Variants in COL25A1 observed in about 807,000 individuals in gnomAD.
COL25A1 encodes collagen alpha-1(XXV) chain.
COL25A1 carries 103 observed loss-of-function variants against 128.4 expected under a neutral mutation model. The ratio of observed to expected loss-of-function variants is 0.80; its 90% confidence interval spans 0.68 to 0.94. The LOEUF is 0.94. COL25A1 is among the 40% of genes least tolerant of loss of function. The pLI is 0.00. For synonymous variants in COL25A1, 279 were observed against 277.2 expected (o/e 1.01, Z -0.06); for missense variants, 745 against 840.0 (o/e 0.89, Z 1.40).
intron 13 of COL25A1, among the ~76,000 whole-genome samples, chr4:108,913,739 G>C (rs572070696): frequency 2.6e-5 from 4 of 152,242 alleles, no homozygotes; most frequent in African/African-American, 9.6e-5. Flanking sequence ...CAACATCTAA[G>C]TATATAAACA....
chr4:109,253,412 C>T (rs752615738), intron 3 of COL25A1, among the ~76,000 whole-genome samples: 3 of 152,090 alleles, frequency 2.0e-5, no homozygotes, highest in Non-Finnish European at 4.4e-5. Flanking sequence ...AAGACCTATG[C>T]CCTAGCTTGA....
In COL25A1 at chr4:109,147,355, A is replaced by C. The variant is rs546233935; in HGVS notation, c.368-97176T>G. Among the ~76,000 whole-genome samples the C allele has an allele frequency of 2.0e-5, 3 of 152,328 alleles. No individual in the cohort carries two copies. In the East Asian group the frequency reaches 5.8e-4, roughly 29 times the overall value. Reference sequence around the variant, plus strand: ...TAAAAAAGGAGGCTTCACTTTGCTCACCATGAGCCTGTGCACAACCCTAAG... The same window carrying C: ...TAAAAAAGGAGGCTTCACTTTGCTCCCCATGAGCCTGTGCACAACCCTAAG... On this transcript the variant is annotated intron_variant, in intron 3 of 37. Coordinates refer to ENST00000399132, the MANE Select transcript of COL25A1 (RefSeq NM_198721.4).
intron 6 of COL25A1, among the ~76,000 whole-genome samples, chr4:108,998,168 A>G (rs1754969162): frequency 6.6e-6 from 1 of 152,180 alleles, no homozygotes; most frequent in Admixed American, 6.5e-5. Flanking sequence ...TGAATTAGGA[A>G]AAGAGGAAGT....
chr4:109,123,657 CA>C (rs1253685867), intron 3 of COL25A1, among the ~76,000 whole-genome samples: 1 of 151,922 alleles, frequency 6.6e-6, no homozygotes, highest in African/African-American at 2.4e-5. Flanking sequence ...TTCACAATTA[CA>C]AAGAAATAAT....
chr4:108,840,583 A>G (rs1167880346), intron 31 of COL25A1, among the ~76,000 whole-genome samples: 1 of 152,116 alleles, frequency 6.6e-6, no homozygotes, highest in Admixed American at 6.5e-5. Flanking sequence ...GGCCAAAGAG[A>G]GCCAGCCTCC....
At chr4:108,955,205 GAC>G in intron 8 of COL25A1, among the ~76,000 whole-genome samples, 1 of 151,592 alleles carries the variant, frequency 6.6e-6, no homozygotes, top group Non-Finnish European at 1.5e-5. Flanking sequence ...TAGCAAGTAA[GAC>G]ACATTAAAGA....
chr4:109,301,619 G>A, intron 2 of COL25A1, 104 bp downstream of exon 2: 1 of 1,344,376 alleles, frequency 7.4e-7, no homozygotes, highest in Admixed American at 2.0e-5. Context: ...CACACACACA[G>A]CCACACCAAG....
chr4:109,177,481 TCTC>T (rs1480210501), intron 3 of COL25A1, among the ~76,000 whole-genome samples: 6 of 152,090 alleles, frequency 3.9e-5, no homozygotes, highest in African/African-American at 1.4e-4. Context: ...TTCTGACAGG[TCTC>T]CTCCTTGAAC....
intron 3 of COL25A1, among the ~76,000 whole-genome samples, chr4:109,218,357 G>GTTTTTTTTTTTTTTT (rs34056401): frequency 8.2e-5 from 6 of 73,530 alleles, no homozygotes; most frequent in African/African-American, 1.1e-4. Context: ...GTTTTTTGGG[G>GTTTTTTTTTTTTTTT]TTTTTTTTTT....
intron 3 of COL25A1, among the ~76,000 whole-genome samples, chr4:109,145,702 A>T (rs1770874353): frequency 6.6e-6 from 1 of 152,104 alleles, no homozygotes; most frequent in South Asian, 2.1e-4. Flanking sequence ...TTAGCCAGGC[A>T]TGGTGGTGGG....
In COL25A1 at chr4:108,950,643, ACT is replaced by A. The variant is rs542487094; in HGVS notation, c.493-9208_493-9207del. 2.7e-4 allele frequency among the ~76,000 whole-genome samples: 41 copies of A among 152,262 alleles called. No individual in the cohort carries two copies. The South Asian group carries it at 6.6e-3, about 25-fold the overall frequency. ...TTAGGAACTCTCCCTTGAGACGTAG[ACT>A]CTGTTCTTCAACTTGGGCAAGGTCA... On this transcript the variant is annotated intron_variant, in intron 8 of 37. Coordinates refer to ENST00000399132, the MANE Select transcript of COL25A1 (RefSeq NM_198721.4).
intron 6 of COL25A1, among the ~76,000 whole-genome samples, chr4:108,975,121 G>C (rs907238609): frequency 5.9e-5 from 9 of 152,184 alleles, no homozygotes; most frequent in Non-Finnish European, 1.3e-4. Flanking sequence ...AGTGTTGGCA[G>C]CCATTTGTTT....
At chr4:108,856,378 A>G (rs754554844) in intron 24 of COL25A1, among the ~76,000 whole-genome samples, 3 of 152,196 alleles carry the variant, frequency 2.0e-5, no homozygotes, top group Non-Finnish European at 4.4e-5. Flanking sequence ...TGGTATGATT[A>G]TAACTGTAAT....
chr4:108,949,678 C>T (rs373023327), intron 8 of COL25A1, among the ~76,000 whole-genome samples: 24 of 151,928 alleles, frequency 1.6e-4, no homozygotes, highest in Non-Finnish European at 3.1e-4. Context: ...GAACTAAAGG[C>T]GTGTGCCACC....
At chr4:109,152,802 G>A (rs1771629182) in intron 3 of COL25A1, among the ~76,000 whole-genome samples, 1 of 152,124 alleles carries the variant, frequency 6.6e-6, no homozygotes, top group Non-Finnish European at 1.5e-5. Context: ...ATTTATATGA[G>A]GTACCTACAG....
chr4:109,256,829 T>C (rs149994533), intron 3 of COL25A1, among the ~76,000 whole-genome samples: 2 of 152,180 alleles, frequency 1.3e-5, no homozygotes, highest in African/African-American at 4.8e-5. Flanking sequence ...CTAGTCTATA[T>C]TCTGTGATTA....
intron 31 of COL25A1, among the ~76,000 whole-genome samples, chr4:108,837,162 T>C (rs1334809992): frequency 6.6e-6 from 1 of 152,218 alleles, no homozygotes; most frequent in Non-Finnish European, 1.5e-5. Context: ...TTGACCATCA[T>C]ATGGTGGATG....
At chr4:109,209,584 TAAC>T (rs1377996609) in intron 3 of COL25A1, among the ~76,000 whole-genome samples, 1 of 152,200 alleles carries the variant, frequency 6.6e-6, no homozygotes, top group South Asian at 2.1e-4. Context: ...ATGTTATTAG[TAAC>T]AACATTAATA....
intron 3 of COL25A1, among the ~76,000 whole-genome samples, chr4:109,205,578 A>G (rs1185658740): frequency 6.6e-6 from 1 of 152,122 alleles, no homozygotes; most frequent in Non-Finnish European, 1.5e-5. Context: ...AATACAGAAG[A>G]CATTAGGATC....
Sources: gnomAD v4.1 joint callset for allele counts (sites outside exome capture counted in the v4.1 genomes callset) on GRCh38, gnomAD v4.1.1 for gene constraint, MANE v1.5 for transcripts, NCBI Gene and HGNC (gene_info 2026-07-23, HGNC 2026-07-21) for gene names.